Variants in SYTL5 observed in about 807,000 individuals in gnomAD.
The protein encoded by SYTL5 is synaptotagmin-like protein 5.
A neutral mutation model predicts 55.9 loss-of-function variants in SYTL5; 34 were observed. The observed-to-expected ratio is 0.61, with a 90% CI of 0.46 to 0.81. The LOEUF (loss-of-function observed/expected upper bound fraction) is 0.81, where lower values mean the gene tolerates loss of function less well. SYTL5 is among the 30% of genes least tolerant of loss of function. The pLI is 0.00. For missense variants in SYTL5, 637 were observed against 546.7 expected, an observed-to-expected ratio of 1.17 and a Z score of -1.65; for synonymous variants, 221 against 188.7, an observed-to-expected ratio of 1.17 and a Z score of -1.40.
chrX:37,914,196 T>C, the SYTL5 span, among the ~76,000 whole-genome samples: 1 of 111,453 alleles, frequency 9.0e-6, no homozygotes, highest in East Asian at 2.8e-4. Context: ...ACATTTTGCA[T>C]ACCCTATGAC....
At chrX:37,896,588 C>T in the SYTL5 span, among the ~76,000 whole-genome samples, 2 of 111,550 alleles carry the variant, frequency 1.8e-5, no homozygotes, top group Admixed American at 9.7e-5. Flanking sequence ...CTGAGATGAC[C>T]ATGTGAATGA....
chrX:37,948,025 T>C, the SYTL5 span, among the ~76,000 whole-genome samples: 1 of 112,141 alleles, frequency 8.9e-6, no homozygotes, highest in South Asian at 3.7e-4. Flanking sequence ...TACACAGAGT[T>C]CCAAATCTTC....
chrX:38,103,096 G>A, intron 10 of SYTL5: 2 of 1,138,436 alleles, frequency 1.8e-6, no homozygotes, highest in Non-Finnish European at 2.4e-6. Flanking sequence ...GACACTGTGA[G>A]TTTTCAACCT....
chrX:37,997,829 G>A, the SYTL5 span, among the ~76,000 whole-genome samples: 15 of 112,477 alleles, frequency 1.3e-4, no homozygotes, highest in South Asian at 5.6e-3. Flanking sequence ...GCGGGAATGT[G>A]TTGTGCTTTA....
chrX:37,985,416 A>C, the SYTL5 span, among the ~76,000 whole-genome samples: 1 of 111,850 alleles, frequency 8.9e-6, no homozygotes, highest in Admixed American at 9.5e-5. Context: ...AAGGAAATTA[A>C]GAAAAATAAT....
At chrX:38,119,971 A>G (rs965249432) in intron 13 of SYTL5, among the ~76,000 whole-genome samples, 6 of 112,419 alleles carry the variant, frequency 5.3e-5, no homozygotes, top group South Asian at 7.4e-4. Context: ...GACAGGGAGA[A>G]GTAATTTCTG....
In SYTL5 at chrX:38,120,486, C is replaced by T. The variant is rs1309259433; in HGVS notation, c.1705+20C>T. ...TCCAAGGTAGAGTAAAAATCAATGA[C>T]TTTGATCAATGACATTCTGTTTCTA... On this transcript the variant is annotated intron_variant, in intron 14 of 16. Coordinates refer to ENST00000297875, the MANE Select transcript of SYTL5 (RefSeq NM_138780.3). The T allele has an allele frequency of 2.7e-6, 3 of 1,109,712 alleles. No homozygotes were observed. Among genetic ancestry groups the T allele is most frequent in the South Asian group, 1.8e-5 (1 of 54,547 alleles). The allele number at this position is 1,109,712 out of a possible 1,213,427, so 91.5% of individuals were successfully genotyped here.
chrX:37,984,354 T>A, the SYTL5 span, among the ~76,000 whole-genome samples: 5 of 111,637 alleles, frequency 4.5e-5, no homozygotes, highest in African/African-American at 1.6e-4. Context: ...CCATGAACAA[T>A]TTTATTCCAA....
chrX:38,097,850 G>A (rs1936976570), intron 9 of SYTL5, among the ~76,000 whole-genome samples: 1 of 107,653 alleles, frequency 9.3e-6, no homozygotes, highest in Admixed American at 9.9e-5. Flanking sequence ...CATAAGCATT[G>A]GCAATCAGTG....
At chrX:37,894,076 C>A in the SYTL5 span, among the ~76,000 whole-genome samples, 11 of 110,699 alleles carry the variant, frequency 9.9e-5, no homozygotes, top group Admixed American at 2.0e-4. Flanking sequence ...TCTTCTCTTG[C>A]CCTACAAAAA....
the SYTL5 span, among the ~76,000 whole-genome samples, chrX:37,918,116 C>T: frequency 0.037 from 4,107 of 111,550 alleles, 192 homozygotes; most frequent in African/African-American, 0.13. Context: ...GTCTCCATCC[C>T]TAATCTTGTC....
chrX:37,913,681 A>C, the SYTL5 span, among the ~76,000 whole-genome samples: 1 of 112,274 alleles, frequency 8.9e-6, no homozygotes, highest in Non-Finnish European at 1.9e-5. Context: ...TGGGAACCTA[A>C]GATAAATAGT....
chrX:37,969,572 G>C, the SYTL5 span, among the ~76,000 whole-genome samples: 2 of 111,897 alleles, frequency 1.8e-5, no homozygotes, highest in Non-Finnish European at 3.8e-5. Flanking sequence ...CCCTTACTTA[G>C]ATAATTAGTA....
At chrX:38,119,629 G>A (rs1937547847) in intron 13 of SYTL5, among the ~76,000 whole-genome samples, 1 of 112,268 alleles carries the variant, frequency 8.9e-6, no homozygotes, top group African/African-American at 3.2e-5. Flanking sequence ...TACAAATAAA[G>A]CTGATACAAA....
chrX:37,916,437 C>A, the SYTL5 span, among the ~76,000 whole-genome samples: 2 of 112,493 alleles, frequency 1.8e-5, no homozygotes, highest in Non-Finnish European at 3.8e-5. Flanking sequence ...TAGTACTGTA[C>A]ACTTATTATG....
the SYTL5 span, among the ~76,000 whole-genome samples, chrX:37,922,426 C>T: frequency 8.9e-6 from 1 of 112,044 alleles, no homozygotes; most frequent in African/African-American, 3.2e-5. Context: ...GTTGATGATC[C>T]ATTTTTAAAG....
At chrX:37,891,399 G>A in the SYTL5 span, among the ~76,000 whole-genome samples, 1 of 112,060 alleles carries the variant, frequency 8.9e-6, no homozygotes, top group East Asian at 2.8e-4. Context: ...TTGTTGATTC[G>A]ATATATGTAA....
At chrX:38,099,713 G>A (rs1937035903) in intron 9 of SYTL5, among the ~76,000 whole-genome samples, 1 of 111,189 alleles carries the variant, frequency 9.0e-6, no homozygotes, top group Non-Finnish European at 1.9e-5. Flanking sequence ...TTAGCTAAGA[G>A]CTTCTCATGT....
the SYTL5 span, among the ~76,000 whole-genome samples, chrX:37,894,470 G>A: frequency 2.6e-4 from 29 of 111,554 alleles, no homozygotes; most frequent in African/African-American, 8.5e-4. Context: ...TGAGAGTATG[G>A]CTAGATACTA....
Sources: allele counts gnomAD v4.1 joint callset (sites outside exome capture counted in the v4.1 genomes callset), GRCh38; gene constraint gnomAD v4.1.1; transcripts MANE v1.5; gene names NCBI Gene and HGNC (gene_info 2026-07-23, HGNC 2026-07-21).